The following ARHGEF18 variants were observed in gnomAD, a reference collection of about 807,000 sequenced individuals.
ARHGEF18 encodes rho guanine nucleotide exchange factor 18.
A neutral mutation model predicts 155.7 loss-of-function variants in ARHGEF18; 93 were observed. The observed-to-expected ratio is 0.60, with a 90% CI of 0.50 to 0.71. The LOEUF (loss-of-function observed/expected upper bound fraction) is 0.71, where lower values mean the gene tolerates loss of function less well. Ranked by LOEUF, ARHGEF18 falls within the 30% of genes least tolerant of loss-of-function variation. The pLI, the probability that ARHGEF18 is intolerant of heterozygous loss-of-function variation, is 0.00. For synonymous variants in ARHGEF18, 742 were observed against 753.1 expected (o/e 0.99, Z 0.24); for missense variants, 1,593 against 1,816.1 (o/e 0.88, Z 2.23).
chr19:7,360,800 G>A (rs907281566), intron 1 of ARHGEF18, among the ~76,000 whole-genome samples: 2 of 152,114 alleles, frequency 1.3e-5, no homozygotes, highest in Admixed American at 6.6e-5. Flanking sequence ...TGCTTGTTTC[G>A]TTTCTGTGAG....
chr19:7,429,448 C>A (rs554632893), intron 10 of ARHGEF18, among the ~76,000 whole-genome samples: 1 of 151,910 alleles, frequency 6.6e-6, no homozygotes, highest in Admixed American at 6.6e-5. Context: ...ACTAAAAATA[C>A]CAAAATTACC....
chr19:7,362,662 C>G, intron 1 of ARHGEF18, 119 bp from the exon 2 acceptor site: 3 of 954,872 alleles, frequency 3.1e-6, no homozygotes, highest in Non-Finnish European at 4.1e-6. Flanking sequence ...CTCACCAACT[C>G]ATTTTATAGT....
chr19:7,445,189 G>A (rs759117973), intron 14 of ARHGEF18, among the ~76,000 whole-genome samples: 22 of 152,172 alleles, frequency 1.4e-4, no homozygotes, highest in East Asian at 5.8e-4. Context: ...GCCCACACCT[G>A]TAATCCCAGC....
In ARHGEF18 at chr19:7,432,240, T is replaced by C. The variant is rs571333942; in HGVS notation, c.968-8104T>C. ...CAGGAACTGTGAACTGAAAACTTCA[T>C]CTGGCATCAGATTTTCTTTAATTGT... is the stretch of plus-strand genomic sequence containing the variant. On this transcript the variant is annotated intron_variant, in intron 10 of 28. Transcript: ENST00000668164. Among the ~76,000 whole-genome samples the C allele has an allele frequency of 2.4e-4, 36 of 152,306 alleles. 1 individual carries two copies. Among genetic ancestry groups the C allele is most frequent in the African/African-American group, 8.2e-4 (34 of 41,592 alleles).
chr19:7,387,431 C>T lies in ARHGEF18; in HGVS notation c.967+4228C>T, dbSNP rs528776493. 1.8e-4 allele frequency among the ~76,000 whole-genome samples: 27 copies of T among 151,874 alleles called. No individual in the cohort carries two copies. In the East Asian group the frequency reaches 5.2e-3, roughly 29 times the overall value. ...TCTCCCAAAGTGCTGGGATTATAGG[C>T]GTGAGCCACCGCGCCCAGCGCTGTT... On this transcript the variant is annotated intron_variant, in intron 10 of 28. Transcript: ENST00000668164.
chr19:7,427,645 T>TAAAA (rs550345618), intron 10 of ARHGEF18, among the ~76,000 whole-genome samples: 25 of 105,770 alleles, frequency 2.4e-4, no homozygotes, highest in African/African-American at 9.0e-4. Flanking sequence ...ACCCTGTCTC[T>TAAAA]AAAAAAAAAA....
intron 10 of ARHGEF18, among the ~76,000 whole-genome samples, chr19:7,406,624 C>G (rs560120625): frequency 9.9e-5 from 15 of 152,278 alleles, no homozygotes; most frequent in Admixed American, 7.9e-4. Flanking sequence ...ACCTAGCTTA[C>G]GAGCTGACCT....
At chr19:7,436,857 G>T (rs1454710636) in intron 10 of ARHGEF18, among the ~76,000 whole-genome samples, 1 of 152,132 alleles carries the variant, frequency 6.6e-6, no homozygotes, top group Non-Finnish European at 1.5e-5. Context: ...GTGTTGCTTT[G>T]TGAGTGACAT....
intron 1 of ARHGEF18, among the ~76,000 whole-genome samples, chr19:7,351,903 C>A (rs983913092): frequency 6.6e-6 from 1 of 151,830 alleles, no homozygotes; most frequent in African/African-American, 2.4e-5. Context: ...CCATGTTACC[C>A]AGGCTGGTCT....
At chr19:7,401,284 G>A (rs1293385753) in intron 10 of ARHGEF18, among the ~76,000 whole-genome samples, 1 of 151,882 alleles carries the variant, frequency 6.6e-6, no homozygotes, top group African/African-American at 2.4e-5. Context: ...AACCAATGAG[G>A]TTTTGTTTGT....
intron 1 of ARHGEF18, among the ~76,000 whole-genome samples, chr19:7,361,212 G>T (rs1308045235): frequency 2.0e-5 from 3 of 152,196 alleles, no homozygotes. Context: ...AAGGCGGGGG[G>T]ATTGCCTGAG....
chr19:7,363,346 GTGAA>G (rs1838797904), intron 2 of ARHGEF18, among the ~76,000 whole-genome samples: 2 of 151,930 alleles, frequency 1.3e-5, no homozygotes, highest in African/African-American at 4.8e-5. Context: ...TGGATGATGG[GTGAA>G]TAAAAAGAAG....
intron 15 of ARHGEF18, 124 bp downstream of exon 15, chr19:7,447,292 C>T (rs1020972134): frequency 9.8e-5 from 83 of 845,358 alleles, no homozygotes; most frequent in South Asian, 7.1e-4. Context: ...AGATCGAGAC[C>T]GTCCTGGCCA....
chr19:7,472,570 C>A (rs147009248), downstream of ARHGEF18: 776 of 173,292 alleles, frequency 4.5e-3, 6 homozygotes, highest in South Asian at 9.9e-3. Context: ...CTGTTGGGGG[C>A]TCCCCATGGC....
chr19:7,406,038 G>A (rs908297929), intron 10 of ARHGEF18, among the ~76,000 whole-genome samples: 4 of 152,126 alleles, frequency 2.6e-5, no homozygotes, highest in Non-Finnish European at 5.9e-5. Flanking sequence ...CCAGTTAATT[G>A]CAGAGAGGAA....
intron 10 of ARHGEF18, among the ~76,000 whole-genome samples, chr19:7,406,087 G>A (rs1600321224): frequency 6.6e-6 from 1 of 152,060 alleles, no homozygotes; most frequent in African/African-American, 2.4e-5. Context: ...TCTTTTTGTT[G>A]TTGTTGTTAT....
chr19:7,362,559 T>C (rs368802274), intron 1 of ARHGEF18, among the ~76,000 whole-genome samples: 3 of 152,286 alleles, frequency 2.0e-5, no homozygotes, highest in African/African-American at 7.2e-5. Context: ...AATTGACTCA[T>C]GATTGACTAG....
chr19:7,418,418 A>T (rs1238429842), intron 10 of ARHGEF18, among the ~76,000 whole-genome samples: 1 of 152,056 alleles, frequency 6.6e-6, no homozygotes, highest in Admixed American at 6.6e-5. Flanking sequence ...ACCATGCTTG[A>T]CTAATTTTTT....
chr19:7,410,413 C>A (rs984750270), intron 10 of ARHGEF18, among the ~76,000 whole-genome samples: 1 of 151,518 alleles, frequency 6.6e-6, no homozygotes, highest in Non-Finnish European at 1.5e-5. Context: ...CACATACATA[C>A]ACACACACAT....
Sources: gnomAD v4.1 joint callset for allele counts (sites outside exome capture counted in the v4.1 genomes callset) on GRCh38, gnomAD v4.1.1 for gene constraint, MANE v1.5 for transcripts, NCBI Gene and HGNC (gene_info 2026-07-23, HGNC 2026-07-21) for gene names.